Variants in UBE2E3 observed in about 807,000 individuals in gnomAD.
UBE2E3 encodes ubiquitin-conjugating enzyme E2 E3.
UBE2E3 carries 5 observed loss-of-function variants against 23.6 expected under a neutral mutation model. The observed-to-expected ratio is 0.21, with a 90% CI of 0.11 to 0.44. The LOEUF is 0.44. Ranked by LOEUF, UBE2E3 falls within the 20% of genes least tolerant of loss-of-function variation. The probability of loss-of-function intolerance (pLI) is 0.99; values close to 1 mark genes in which losing one functional copy is unlikely to be tolerated. For synonymous variants in UBE2E3, 78 were observed against 87.5 expected (o/e 0.89, Z 0.60); for missense variants, 81 against 249.8 (o/e 0.32, Z 4.55).
At chr2:180,994,387 C>T (rs532789018) in intron 3 of UBE2E3, among the ~76,000 whole-genome samples, 6 of 152,184 alleles carry the variant, frequency 3.9e-5, no homozygotes, top group African/African-American at 9.6e-5. Flanking sequence ...TCTATGCCTC[C>T]GTCCATTTCA....
chr2:180,985,170 GT>G (rs1684418099), intron 3 of UBE2E3, among the ~76,000 whole-genome samples: 1 of 152,124 alleles, frequency 6.6e-6, no homozygotes, highest in South Asian at 2.1e-4. Flanking sequence ...TGAATGAACA[GT>G]TTGCTTGTAT....
intron 3 of UBE2E3, among the ~76,000 whole-genome samples, chr2:180,998,116 C>G (rs973551771): frequency 6.6e-6 from 1 of 152,042 alleles, no homozygotes; most frequent in Non-Finnish European, 1.5e-5. Flanking sequence ...TAGAGCACAA[C>G]AGCAACTGTG....
At chr2:180,999,633 C>T (rs1684934849) in intron 3 of UBE2E3, among the ~76,000 whole-genome samples, 1 of 151,676 alleles carries the variant, frequency 6.6e-6, no homozygotes, top group Non-Finnish European at 1.5e-5. Flanking sequence ...CTCCCGCCCT[C>T]CACCCCTCCC....
chr2:181,022,751 C>T (rs1458819199), intron 3 of UBE2E3, among the ~76,000 whole-genome samples: 1 of 151,814 alleles, frequency 6.6e-6, no homozygotes, highest in Admixed American at 6.6e-5. Flanking sequence ...AAAAAAAAAC[C>T]CCACAGGTTT....
chr2:181,011,248 A>G (rs757623286), intron 3 of UBE2E3, among the ~76,000 whole-genome samples: 2 of 152,118 alleles, frequency 1.3e-5, no homozygotes, highest in African/African-American at 2.4e-5. Flanking sequence ...ATCCAATATC[A>G]GGGTGCTGGC....
intron 3 of UBE2E3, among the ~76,000 whole-genome samples, chr2:181,026,348 T>C (rs1202314160): frequency 6.6e-6 from 1 of 151,834 alleles, no homozygotes; most frequent in East Asian, 1.9e-4. Context: ...AGATAATGAA[T>C]AAACCCTAGG....
intron 3 of UBE2E3, among the ~76,000 whole-genome samples, chr2:180,997,792 C>G (rs1377365351): frequency 6.6e-6 from 1 of 152,136 alleles, no homozygotes; most frequent in Non-Finnish European, 1.5e-5. Flanking sequence ...GTTTACATCT[C>G]TCGTTGCCTA....
At chr2:180,999,206 A>G (rs1684923207) in intron 3 of UBE2E3, among the ~76,000 whole-genome samples, 1 of 152,198 alleles carries the variant, frequency 6.6e-6, no homozygotes, top group South Asian at 2.1e-4. Context: ...CACAAAGGGT[A>G]TTACATGACC....
intron 3 of UBE2E3, among the ~76,000 whole-genome samples, chr2:181,020,101 G>C (rs959356431): frequency 6.6e-6 from 1 of 152,132 alleles, no homozygotes; most frequent in Non-Finnish European, 1.5e-5. Flanking sequence ...TGATGTATTA[G>C]TTTCCTGGGG....
chr2:180,993,485 G>A (rs1684732720), intron 3 of UBE2E3, among the ~76,000 whole-genome samples: 1 of 152,106 alleles, frequency 6.6e-6, no homozygotes, highest in Non-Finnish European at 1.5e-5. Context: ...ATTGCTTTTG[G>A]GAGTATAGTT....
chr2:181,034,519 A>G (rs944270370), intron 3 of UBE2E3, among the ~76,000 whole-genome samples: 3 of 152,084 alleles, frequency 2.0e-5, no homozygotes, highest in Non-Finnish European at 4.4e-5. Flanking sequence ...ACACACCGGG[A>G]CCTACCGTGG....
intron 3 of UBE2E3, among the ~76,000 whole-genome samples, chr2:180,994,925 C>G (rs896756176): frequency 6.6e-6 from 1 of 152,206 alleles, no homozygotes; most frequent in African/African-American, 2.4e-5. Flanking sequence ...CATTTGGAGT[C>G]AAGAGAATCG....
chr2:181,038,611 A>C (rs1216200266), intron 3 of UBE2E3, among the ~76,000 whole-genome samples: 1 of 152,238 alleles, frequency 6.6e-6, no homozygotes, highest in African/African-American at 2.4e-5. Context: ...TGGCAGGTGG[A>C]ACTTAAAGTA....
chr2:181,043,454 A>G (rs964576145), intron 3 of UBE2E3, among the ~76,000 whole-genome samples: 7 of 152,190 alleles, frequency 4.6e-5, no homozygotes, highest in Admixed American at 3.9e-4. Flanking sequence ...CTTAGTGTAT[A>G]AGATGTACAT....
chr2:180,982,339 T>G (rs999204947), intron 2 of UBE2E3, 103 bp downstream of exon 2: 1 of 1,021,584 alleles, frequency 9.8e-7, no homozygotes, highest in Non-Finnish European at 1.5e-6. Flanking sequence ...CAGAAATATT[T>G]ACTTCATTAT....
chr2:181,044,332 T>A (rs1391939197), intron 3 of UBE2E3, among the ~76,000 whole-genome samples: 1 of 152,192 alleles, frequency 6.6e-6, no homozygotes, highest in Non-Finnish European at 1.5e-5. Context: ...ATGTAATTTA[T>A]ATAAAATAGG....
intron 4 of UBE2E3, 54 bp downstream of exon 4, chr2:181,057,879 G>T: frequency 6.4e-7 from 1 of 1,566,604 alleles, no homozygotes. Flanking sequence ...TCTAAAATCG[G>T]TTATTCTAGA....
intron 3 of UBE2E3, among the ~76,000 whole-genome samples, chr2:181,027,737 A>C (rs1685941401): frequency 6.6e-6 from 1 of 151,980 alleles, no homozygotes; most frequent in African/African-American, 2.4e-5. Context: ...TCAAGTATTG[A>C]AACTGAATAT....
intron 3 of UBE2E3, among the ~76,000 whole-genome samples, chr2:181,044,226 CGGTT>C (rs1302983290): frequency 1.3e-5 from 2 of 151,772 alleles, no homozygotes; most frequent in African/African-American, 4.8e-5. Flanking sequence ...TTTGAGATGA[CGGTT>C]GGTCAGAAAA....
Sources: allele counts gnomAD v4.1 joint callset (sites outside exome capture counted in the v4.1 genomes callset), GRCh38; gene constraint gnomAD v4.1.1; transcripts MANE v1.5; gene names NCBI Gene and HGNC (gene_info 2026-07-23, HGNC 2026-07-21).